Variants in PRUNE2 observed in about 807,000 individuals in gnomAD.
PRUNE2 encodes the protein protein prune homolog 2.
Under a neutral mutation model 252.0 loss-of-function variants are expected in PRUNE2, and 164 were observed. The observed-to-expected ratio is 0.65, with a 90% CI of 0.57 to 0.74. The LOEUF is 0.74. PRUNE2 is among the 30% of genes least tolerant of loss of function. The probability of loss-of-function intolerance (pLI) is 0.00; values close to 1 mark genes in which losing one functional copy is unlikely to be tolerated. For synonymous variants in PRUNE2, 1,292 were observed against 1,350.2 expected (o/e 0.96, Z 0.94); for missense variants, 3,495 against 3,711.0 (o/e 0.94, Z 1.51).
chr9:76,744,692 C>T (rs1307772279), intron 6 of PRUNE2, among the ~76,000 whole-genome samples: 1 of 152,200 alleles, frequency 6.6e-6, no homozygotes. Flanking sequence ...CCCTATCCGA[C>T]TCCTACCCCT....
chr9:76,617,606 G>C (rs1830328257), intron 18 of PRUNE2, among the ~76,000 whole-genome samples: 1 of 151,360 alleles, frequency 6.6e-6, no homozygotes, highest in African/African-American at 2.4e-5. Context: ...TCAGGAAAGA[G>C]AGGGCTGAAG....
At position 76,820,967 on chromosome 9, in the gene PRUNE2, C is replaced by A. The variant is rs530676900; in HGVS notation, c.756+2665G>T. On this transcript the variant is annotated intron_variant, in intron 6 of 18. Coordinates refer to ENST00000376718, the MANE Select transcript of PRUNE2 (RefSeq NM_015225.3). ...TTACTAAGCATCTACTATGTGCCATCACTGTTACAGAAAACTGAAGAGAGA... is the reference window on the plus strand; with the variant it reads ...TTACTAAGCATCTACTATGTGCCATAACTGTTACAGAAAACTGAAGAGAGA... Among the ~76,000 whole-genome samples, 3 of 152,274 alleles carry A rather than the reference C, an allele frequency of 2.0e-5. No individual in the cohort carries two copies. The South Asian group carries it at 6.2e-4, about 32-fold the overall frequency.
At chr9:76,903,161 C>A (rs1048867643) in intron 1 of PRUNE2, among the ~76,000 whole-genome samples, 2 of 152,146 alleles carry the variant, frequency 1.3e-5, no homozygotes, top group African/African-American at 4.8e-5. Context: ...GAAAAAAAGA[C>A]ACACAATTTT....
intron 9 of PRUNE2, among the ~76,000 whole-genome samples, chr9:76,695,493 A>G (rs948261662): frequency 2.0e-5 from 3 of 152,246 alleles, no homozygotes; most frequent in Admixed American, 2.0e-4. Flanking sequence ...AGAATCTTGG[A>G]GGAACTGTAA....
intron 1 of PRUNE2, among the ~76,000 whole-genome samples, chr9:76,895,209 G>A (rs17787783): frequency 0.1 from 15,195 of 152,086 alleles, 1,027 homozygotes; most frequent in South Asian, 0.23. Flanking sequence ...TCCCTCACGG[G>A]CTTTTCTCAG....
chr9:76,865,132 T>TCAGTGTTAGAGAAGAAACAATG (rs1331716265), intron 1 of PRUNE2, among the ~76,000 whole-genome samples: 3 of 152,204 alleles, frequency 2.0e-5, no homozygotes, highest in Admixed American at 6.5e-5. Context: ...GTAGTGCACC[T>TCAGTGTTAGAGAAGAAACAATG]CAGTGTTAGA....
chr9:76,898,138 G>A (rs1372781568), intron 1 of PRUNE2, among the ~76,000 whole-genome samples: 1 of 152,190 alleles, frequency 6.6e-6, no homozygotes, highest in Non-Finnish European at 1.5e-5. Flanking sequence ...TCAGGCACTG[G>A]CTCCACATGA....
At chr9:76,732,433 C>T (rs748021118) in intron 6 of PRUNE2, among the ~76,000 whole-genome samples, 1 of 152,180 alleles carries the variant, frequency 6.6e-6, no homozygotes, top group African/African-American at 2.4e-5. Context: ...CCCTTACCAC[C>T]CACGCACATT....
chr9:76,671,214 T>C (rs1490586318), intron 9 of PRUNE2, among the ~76,000 whole-genome samples: 88 of 143,574 alleles, frequency 6.1e-4, no homozygotes, highest in East Asian at 1.2e-3. Context: ...TTAAAGGAGC[T>C]GATGGAGCTG....
chr9:76,816,176 A>G (rs553807760), intron 6 of PRUNE2, among the ~76,000 whole-genome samples: 1 of 151,976 alleles, frequency 6.6e-6, no homozygotes, highest in African/African-American at 2.4e-5. Context: ...AAAAAAAAAA[A>G]AAAAGAATTA....
At chr9:76,630,425 G>A (rs1399300292) in intron 15 of PRUNE2, among the ~76,000 whole-genome samples, 1 of 152,132 alleles carries the variant, frequency 6.6e-6, no homozygotes, top group Non-Finnish European at 1.5e-5. Flanking sequence ...GGATACCAAT[G>A]AAACTGATAA....
intron 6 of PRUNE2, among the ~76,000 whole-genome samples, chr9:76,752,624 T>C (rs1680367081): frequency 6.6e-6 from 1 of 152,134 alleles, no homozygotes; most frequent in African/African-American, 2.4e-5. Context: ...TAACAGCAAA[T>C]ATTTCAGCAC....
intron 4 of PRUNE2, among the ~76,000 whole-genome samples, chr9:76,838,372 T>A (rs1268159499): frequency 6.6e-6 from 1 of 151,932 alleles, no homozygotes; most frequent in African/African-American, 2.4e-5. Context: ...AGGCTGGGCA[T>A]GGTGGCTCAT....
chr9:76,852,119 T>C (rs1393432695), intron 2 of PRUNE2, among the ~76,000 whole-genome samples: 2 of 152,212 alleles, frequency 1.3e-5, no homozygotes, highest in East Asian at 3.8e-4. Context: ...GTCTGGCACA[T>C]AGTAAACATT....
At chr9:76,620,304 TA>T (rs1831656494) in intron 17 of PRUNE2, among the ~76,000 whole-genome samples, 1 of 152,066 alleles carries the variant, frequency 6.6e-6, no homozygotes, top group Non-Finnish European at 1.5e-5. Context: ...CATGCCCGGC[TA>T]ATTTTCATAT....
intron 4 of PRUNE2, among the ~76,000 whole-genome samples, chr9:76,833,427 T>C (rs548515490): frequency 2.6e-5 from 4 of 152,282 alleles, no homozygotes; most frequent in African/African-American, 4.8e-5. Flanking sequence ...CTTAGTCAAG[T>C]AGAAATAGAA....
intron 3 of PRUNE2, 78 bp downstream of exon 3, chr9:76,850,385 G>A: frequency 8.7e-7 from 1 of 1,153,274 alleles, no homozygotes; most frequent in Admixed American, 1.8e-5. Context: ...AACCACAAAA[G>A]TCCTGAGTAA....
intron 6 of PRUNE2, among the ~76,000 whole-genome samples, chr9:76,812,074 C>T (rs1357962206): frequency 6.6e-6 from 1 of 152,178 alleles, no homozygotes. Context: ...ATTATCAGAA[C>T]TCACGGGTAT....
At chr9:76,678,846 T>C (rs967526906) in intron 9 of PRUNE2, among the ~76,000 whole-genome samples, 1 of 151,972 alleles carries the variant, frequency 6.6e-6, no homozygotes, top group Non-Finnish European at 1.5e-5. Context: ...AATAAATAAA[T>C]AAAAATAAAT....
Sources: gnomAD v4.1 joint callset for allele counts (sites outside exome capture counted in the v4.1 genomes callset) on GRCh38, gnomAD v4.1.1 for gene constraint, MANE v1.5 for transcripts, NCBI Gene and HGNC (gene_info 2026-07-23, HGNC 2026-07-21) for gene names.